SNRPN: variants seen among roughly 807,000 people sequenced by gnomAD.
The protein encoded by SNRPN is small nuclear ribonucleoprotein polypeptide N.
A neutral mutation model predicts 25.2 loss-of-function variants in SNRPN; 7 were observed. The observed-to-expected ratio is 0.28, with a 90% CI of 0.16 to 0.52. SNRPN has a LOEUF of 0.52. Ranked by LOEUF, SNRPN falls within the 20% of genes least tolerant of loss-of-function variation. The pLI is 0.96. For synonymous variants in SNRPN, 124 were observed against 110.6 expected, an observed-to-expected ratio of 1.12 and a Z score of -0.76; for missense variants, 196 against 322.5, an observed-to-expected ratio of 0.61 and a Z score of 3.00.
chr15:24,884,765 A>T (rs1237681857), intron 1 of SNRPN, among the ~76,000 whole-genome samples: 2 of 152,214 alleles, frequency 1.3e-5, no homozygotes, highest in African/African-American at 4.8e-5. Flanking sequence ...GCCTAGACAT[A>T]AATAAGCCAA....
At chr15:24,956,439 T>A (rs2153371117) in intron 1 of SNRPN, among the ~76,000 whole-genome samples, 1 of 152,088 alleles carries the variant, frequency 6.6e-6, no homozygotes, top group East Asian at 2.0e-4. Context: ...TTTCGGAGTT[T>A]CAGCCGTACC....
At chr15:24,970,597 T>C (rs1363446844) in intron 3 of SNRPN, among the ~76,000 whole-genome samples, 3 of 152,320 alleles carry the variant, frequency 2.0e-5, no homozygotes, top group Middle Eastern at 3.4e-3. Flanking sequence ...AATTGTGTTA[T>C]GAATATTCTG....
At chr15:24,887,214 C>G (rs931310876) in intron 2 of SNRPN, among the ~76,000 whole-genome samples, 1 of 144,758 alleles carries the variant, frequency 6.9e-6, no homozygotes, top group African/African-American at 2.6e-5. Context: ...GTGGCATGAT[C>G]TCAGCTCACT....
At chr15:24,967,735 A>G (rs1227076185) in intron 2 of SNRPN, among the ~76,000 whole-genome samples, 197 bp from the exon 3 acceptor site, 2 of 149,986 alleles carry the variant, frequency 1.3e-5, no homozygotes, top group African/African-American at 4.9e-5. Flanking sequence ...TTGAACCCCG[A>G]AGGCAGTGTT....
chr15:24,977,717 C>T lies in SNRPN; in HGVS notation c.421-61C>T, dbSNP rs1411046796. 8 of 1,455,304 alleles carry T rather than the reference C, an allele frequency of 5.5e-6. No individual in the cohort carries two copies. The East Asian group carries it at 1.9e-4, about 35-fold the overall frequency. 90.1% of individuals were successfully genotyped at this position (1,455,304 alleles called of 1,614,324 possible). On this transcript the variant is annotated intron_variant, in intron 7 of 9. Coordinates refer to ENST00000390687, the MANE Select transcript of SNRPN (RefSeq NM_003097.6). ...ATTGGTCATTTTTCTCATTTATTTT[C>T]TGTGTTTGAATAATGTGAAGGTTTG...
chr15:24,924,439 G>A (rs1356725023), intron 3 of SNRPN, among the ~76,000 whole-genome samples: 1 of 152,036 alleles, frequency 6.6e-6, no homozygotes, highest in Non-Finnish European at 1.5e-5. Context: ...GTTTCCTGGG[G>A]AGGGGATTCA....
intron 1 of SNRPN, among the ~76,000 whole-genome samples, chr15:24,959,820 A>G (rs988769295): frequency 1.3e-5 from 2 of 152,262 alleles, no homozygotes; most frequent in African/African-American, 4.8e-5. Flanking sequence ...TATTATGAAT[A>G]ATGCTACTAG....
intron 3 of SNRPN, among the ~76,000 whole-genome samples, chr15:24,928,776 T>C (rs2152801456): frequency 6.6e-6 from 1 of 152,224 alleles, no homozygotes; most frequent in African/African-American, 2.4e-5. Context: ...TAGCTATTTT[T>C]TTTTAATTTT....
upstream of SNRPN, among the ~76,000 whole-genome samples, chr15:24,951,391 C>A (rs1382437296): frequency 6.6e-6 from 1 of 152,010 alleles, no homozygotes; most frequent in Non-Finnish European, 1.5e-5. Context: ...ATTTGTACTT[C>A]TCTAATGACT....
rs115773942 is a variant in SNRPN, at chr15:24,968,045, T to C, written c.-181T>C. 6.7e-4 allele frequency: 1,074 copies of C among 1,613,160 alleles called. 11 individuals are homozygous for C. In the African/African-American group the frequency reaches 0.013, roughly 19 times the overall value. On this transcript the variant is annotated 5_prime_UTR_variant, in exon 3 of 10. Coordinates refer to ENST00000390687, the MANE Select transcript of SNRPN (RefSeq NM_003097.6). ...ACACCAAGAGGTGGTTAAAGCCATA[T>C]TGGAGTAGCGAGGAATCTGATTCCA...
intron 2 of SNRPN, among the ~76,000 whole-genome samples, chr15:24,894,981 G>A (rs899219628): frequency 6.6e-6 from 1 of 152,274 alleles, no homozygotes; most frequent in South Asian, 2.1e-4. Context: ...AGAAAACTAA[G>A]CCCAAAAGAA....
At chr15:24,936,704 A>G (rs2061255840) in intron 3 of SNRPN, among the ~76,000 whole-genome samples, 1 of 152,032 alleles carries the variant, frequency 6.6e-6, no homozygotes, top group Admixed American at 6.6e-5. Flanking sequence ...GGTTCCACAC[A>G]CTTTCAGACA....
upstream of SNRPN, among the ~76,000 whole-genome samples, chr15:24,855,791 C>CAAAAAAA (rs56081812): frequency 2.8e-5 from 2 of 71,992 alleles, no homozygotes; most frequent in Non-Finnish European, 2.6e-5. Flanking sequence ...GAATCTGTCT[C>CAAAAAAA]AAAAAAAAAA....
At chr15:24,950,867 T>C (rs879710539), upstream of SNRPN, among the ~76,000 whole-genome samples, 9 of 151,554 alleles carry the variant, frequency 5.9e-5, no homozygotes, top group Admixed American at 1.3e-4. Flanking sequence ...TCCTTTTTTT[T>C]TTTTTTAAAT....
chr15:24,911,721 T>C (rs1439324859), intron 2 of SNRPN, among the ~76,000 whole-genome samples: 1 of 152,168 alleles, frequency 6.6e-6, no homozygotes, highest in African/African-American at 2.4e-5. Context: ...CAGGGCCCAA[T>C]CAGAGAACTG....
At chr15:24,884,619 G>C (rs1201060716) in intron 1 of SNRPN, among the ~76,000 whole-genome samples, 1 of 152,034 alleles carries the variant, frequency 6.6e-6, no homozygotes, top group Non-Finnish European at 1.5e-5. Flanking sequence ...CTTTCTTTTG[G>C]ATTCTTTTAA....
At chr15:24,941,409 G>T (rs1403556428) in intron 3 of SNRPN, among the ~76,000 whole-genome samples, 2 of 152,198 alleles carry the variant, frequency 1.3e-5, no homozygotes, top group African/African-American at 2.4e-5. Context: ...AATTACCTTT[G>T]TCTACTACTC....
chr15:24,972,346 T>A (rs2076522277), intron 3 of SNRPN, among the ~76,000 whole-genome samples: 1 of 152,092 alleles, frequency 6.6e-6, no homozygotes, highest in Admixed American at 6.5e-5. Context: ...TAAGATAATA[T>A]TCAAAACTTC....
intron 2 of SNRPN, among the ~76,000 whole-genome samples, chr15:24,831,113 C>G (rs1295673087): frequency 6.6e-6 from 1 of 151,952 alleles, no homozygotes; most frequent in Non-Finnish European, 1.5e-5. Context: ...CCCTGTTGCT[C>G]TGTTGTTACA....
Sources: gnomAD v4.1 joint callset for allele counts (sites outside exome capture counted in the v4.1 genomes callset) on GRCh38, gnomAD v4.1.1 for gene constraint, MANE v1.5 for transcripts, NCBI Gene and HGNC (gene_info 2026-07-23, HGNC 2026-07-21) for gene names.